Variants in LARS1 observed in about 807,000 individuals in gnomAD.
LARS1 encodes leucine--tRNA ligase, cytoplasmic.
Under a neutral mutation model 162.8 loss-of-function variants are expected in LARS1, and 100 were observed. The observed-to-expected ratio is 0.61, with a 90% CI of 0.52 to 0.73. LARS1 has a LOEUF of 0.73. Among genes scored for constraint, LARS1 ranks in the 30% least tolerant of loss-of-function variants. The pLI, the probability that LARS1 is intolerant of heterozygous loss-of-function variation, is 0.00. For missense variants in LARS1, 1,258 were observed against 1,408.9 expected, an observed-to-expected ratio of 0.89 and a Z score of 1.71; for synonymous variants, 457 against 462.8, an observed-to-expected ratio of 0.99 and a Z score of 0.16.
At chr5:146,151,376 A>C (rs1753281891) in intron 14 of LARS1, among the ~76,000 whole-genome samples, 1 of 152,334 alleles carries the variant, frequency 6.6e-6, no homozygotes, top group South Asian at 2.1e-4. Context: ...CCTTCTTTCC[A>C]TGGAAATATA....
chr5:146,152,701 T>G (rs977068335), intron 13 of LARS1, among the ~76,000 whole-genome samples: 1 of 152,246 alleles, frequency 6.6e-6, no homozygotes, highest in Non-Finnish European at 1.5e-5. Context: ...GTTGTGCTTT[T>G]GGTTTATATT....
chr5:146,161,987 A>T (rs959948963), intron 6 of LARS1, among the ~76,000 whole-genome samples: 1 of 152,174 alleles, frequency 6.6e-6, no homozygotes, highest in Admixed American at 6.6e-5. Flanking sequence ...TTCAAGCTCC[A>T]CTTGTAATTC....
intron 28 of LARS1, among the ~76,000 whole-genome samples, chr5:146,124,383 C>A (rs114335835): frequency 1.0e-3 from 154 of 151,244 alleles, no homozygotes; most frequent in African/African-American, 3.7e-3. Flanking sequence ...TTTATTTAGA[C>A]TGACTTAACA....
At position 146,128,819 on chromosome 5, in the gene LARS1, T is replaced by G. The variant is rs763817915; in HGVS notation, c.2770-37A>C. 3.2e-6 allele frequency: 5 copies of G among 1,562,082 alleles called. No individual in the cohort carries two copies. In the African/African-American group the frequency reaches 6.9e-5, roughly 21 times the overall value. ...AAGAAAGGAAAAACATTCAATAGCTTTTATATAAACCAAAAATGAGAAGAA... is the reference window on the plus strand; with the variant it reads ...AAGAAAGGAAAAACATTCAATAGCTGTTATATAAACCAAAAATGAGAAGAA... On this transcript the variant is annotated intron_variant, in intron 26 of 31. Coordinates refer to ENST00000394434, the MANE Select transcript of LARS1 (RefSeq NM_020117.11).
chr5:146,149,810 T>C, intron 14 of LARS1, 111 bp from the exon 15 acceptor site: 1 of 733,780 alleles, frequency 1.4e-6, no homozygotes, highest in Non-Finnish European at 2.4e-6. Flanking sequence ...GAAATATTTT[T>C]AGTATGAAAT....
chr5:146,170,283 A>G (rs576762742), intron 4 of LARS1, among the ~76,000 whole-genome samples: 8 of 152,266 alleles, frequency 5.3e-5, no homozygotes, highest in African/African-American at 1.9e-4. Flanking sequence ...CCTGCCCAAC[A>G]TGGTGAAACC....
chr5:146,177,775 G>T, intron 1 of LARS1, 110 bp from the exon 2 acceptor site: 1 of 471,696 alleles, frequency 2.1e-6, no homozygotes, highest in South Asian at 2.7e-5. Flanking sequence ...ATTTTTCCAT[G>T]GTTATCTTGA....
Position 146,175,785 on chromosome 5 carries a change from G to A in LARS1, c.125+1762C>T, listed in dbSNP as rs372041100. Among the ~76,000 whole-genome samples, 20 of 150,460 alleles carry A rather than the reference G, an allele frequency of 1.3e-4. No homozygotes were observed. The South Asian group carries it at 4.0e-3, about 30-fold the overall frequency. The stretch of plus-strand genomic sequence containing the variant: ...GGAGCTTGCAGTGAGCCGAGATTGC[G>A]CCACTGCACTCCAGCCTGGGTGACA... On this transcript the variant is annotated intron_variant, in intron 2 of 31. Coordinates refer to ENST00000394434, the MANE Select transcript of LARS1 (RefSeq NM_020117.11).
chr5:146,173,656 TGAA>T (rs1754376563), intron 2 of LARS1, among the ~76,000 whole-genome samples: 1 of 152,016 alleles, frequency 6.6e-6, no homozygotes. Flanking sequence ...TTTTTTCTTA[TGAA>T]GAATATCTAA....
At chr5:146,129,681 A>G (rs1398996097) in intron 25 of LARS1, among the ~76,000 whole-genome samples, 1 of 151,480 alleles carries the variant, frequency 6.6e-6, no homozygotes, top group African/African-American at 2.4e-5. Context: ...ATATGCCAGA[A>G]GTTTTATATA....
intron 2 of LARS1, among the ~76,000 whole-genome samples, chr5:146,175,485 T>C (rs1754515607): frequency 7.1e-6 from 1 of 141,620 alleles, no homozygotes; most frequent in Non-Finnish European, 1.5e-5. Flanking sequence ...GAGGTTGCAG[T>C]GAGCCGAGAT....
intron 12 of LARS1, 106 bp downstream of exon 12, chr5:146,153,628 A>T: frequency 1.3e-6 from 1 of 788,948 alleles, no homozygotes; most frequent in Non-Finnish European, 2.1e-6. Flanking sequence ...ATAGCAGTTT[A>T]AAGATAAATG....
chr5:146,118,699 G>A (rs562014720), intron 31 of LARS1, among the ~76,000 whole-genome samples: 1 of 152,276 alleles, frequency 6.6e-6, no homozygotes, highest in East Asian at 1.9e-4. Context: ...GATTACCAGG[G>A]ACTGGAGGGA....
In LARS1 at chr5:146,114,958, T is replaced by C. The variant is rs149878099; in HGVS notation, c.3326-647A>G. Reference sequence around the variant, plus strand: ...AGTAGGGAGGCTGAGGCAGTGGAATTGCTTGAACCCAGGAGACAGAGGTTG... The same window carrying C: ...AGTAGGGAGGCTGAGGCAGTGGAATCGCTTGAACCCAGGAGACAGAGGTTG... On this transcript the variant is annotated intron_variant, in intron 31 of 31. Transcript: ENST00000394434. Among the ~76,000 whole-genome samples, 29 of 149,464 alleles carry C rather than the reference T, an allele frequency of 1.9e-4. 1 individual carries two copies. In the East Asian group the frequency reaches 5.3e-3, roughly 27 times the overall value.
At chr5:146,131,657 A>ATT (rs111468128) in intron 23 of LARS1, 4 of 143,932 alleles carry the variant, frequency 2.8e-5, no homozygotes, top group East Asian at 2.0e-4. Flanking sequence ...CACCCAGCTA[A>ATT]TTTTTTTTTT....
chr5:146,123,687 T>C (rs1278943411), intron 29 of LARS1, among the ~76,000 whole-genome samples: 1 of 151,868 alleles, frequency 6.6e-6, no homozygotes, highest in African/African-American at 2.4e-5. Flanking sequence ...AGCATTTGAA[T>C]ATAAGGTCTC....
Position 146,113,994 on chromosome 5 carries a change from A to C in LARS1, c.*112T>G. The C allele has an allele frequency of 2.5e-6, 2 of 786,772 alleles. No homozygotes were observed. Among genetic ancestry groups the C allele is most frequent in the Non-Finnish European group, 4.4e-6 (2 of 457,922 alleles). 48.7% of individuals were successfully genotyped at this position (786,772 alleles called of 1,614,324 possible). A position where few individuals can be genotyped will look rare whatever the true frequency, so the allele number is the denominator to read the frequency against. On this transcript the variant is annotated 3_prime_UTR_variant, in exon 32 of 32. Transcript: ENST00000394434. ...ATACATGCAGAATTGGATGGTTAGA[A>C]ATGAAATCAATCTATTTAGGTCCAG... is the stretch of plus-strand genomic sequence containing the variant.
Position 146,130,112 on chromosome 5 carries a change from C to T in LARS1, c.2534G>A (p.Arg845Lys). Residue 845 changes from arginine to lysine, a missense_variant, in exon 25 of 32, where the codon AGA becomes AAA. Coordinates refer to ENST00000394434, the MANE Select transcript of LARS1 (RefSeq NM_020117.11). ...YRELAVEGMHRELVFRFIEVQ... is the reference protein window; with the variant it reads ...YRELAVEGMHKELVFRFIEVQ... ...TTCAATAAACCGGAACACAAGTTCTCTGTGCATCCCTTCCACAGCCAATTC... is the reference window on the plus strand; with the variant it reads ...TTCAATAAACCGGAACACAAGTTCTTTGTGCATCCCTTCCACAGCCAATTC... 1 of 1,613,924 alleles carries T rather than the reference C, an allele frequency of 6.2e-7. No individual in the cohort carries two copies. Among genetic ancestry groups the T allele is most frequent in the Non-Finnish European group, 8.5e-7 (1 of 1,179,854 alleles).
At chr5:146,137,032 G>T (rs987778121) in intron 21 of LARS1, among the ~76,000 whole-genome samples, 1 of 152,166 alleles carries the variant, frequency 6.6e-6, no homozygotes, top group Non-Finnish European at 1.5e-5. Flanking sequence ...CTGCAGCTGG[G>T]ATTACAGGCG....
Sources: allele counts gnomAD v4.1 joint callset (sites outside exome capture counted in the v4.1 genomes callset), GRCh38; gene constraint gnomAD v4.1.1; transcripts MANE v1.5; gene names NCBI Gene and HGNC (gene_info 2026-07-23, HGNC 2026-07-21).